The following CACNA1B variants were observed in gnomAD, a reference collection of about 807,000 sequenced individuals.
CACNA1B encodes the protein voltage-dependent N-type calcium channel subunit alpha-1B.
A neutral mutation model predicts 247.2 loss-of-function variants in CACNA1B; 70 were observed. That is an observed-to-expected ratio of 0.28 (90% CI 0.23 to 0.35). The LOEUF (loss-of-function observed/expected upper bound fraction) is 0.35, where lower values mean the gene tolerates loss of function less well. CACNA1B is among the 10% of genes least tolerant of loss of function. The pLI, the probability that CACNA1B is intolerant of heterozygous loss-of-function variation, is 1.00. For missense variants in CACNA1B, 2,367 were observed against 3,197.4 expected (o/e 0.74, Z 6.26); for synonymous variants, 1,231 against 1,294.4 (o/e 0.95, Z 1.05).
chr9:138,015,153 C>G (rs1398923080), intron 18 of CACNA1B, among the ~76,000 whole-genome samples: 1 of 152,196 alleles, frequency 6.6e-6, no homozygotes, highest in African/African-American at 2.4e-5. Flanking sequence ...CTGCAGCCCT[C>G]ACACGTGGCA....
intron 36 of CACNA1B, among the ~76,000 whole-genome samples, chr9:138,095,256 A>G (rs1266417991): frequency 1.3e-5 from 2 of 152,244 alleles, no homozygotes; most frequent in Non-Finnish European, 2.9e-5. Context: ...CTACACCTCA[A>G]CAACAAAAAA....
intron 36 of CACNA1B, among the ~76,000 whole-genome samples, chr9:138,090,052 T>C (rs1287427151): frequency 3.3e-5 from 5 of 152,136 alleles, no homozygotes; most frequent in African/African-American, 1.2e-4. Context: ...AAAATACCAA[T>C]GACATTCTTC....
At chr9:137,980,954 G>A (rs1431823884) in intron 12 of CACNA1B, among the ~76,000 whole-genome samples, 1 of 152,186 alleles carries the variant, frequency 6.6e-6, no homozygotes, top group Non-Finnish European at 1.5e-5. Flanking sequence ...GAATAGTGCT[G>A]TGGTGAACAA....
intron 10 of CACNA1B, among the ~76,000 whole-genome samples, chr9:137,970,196 C>A (rs1757702978): frequency 6.6e-6 from 1 of 152,334 alleles, no homozygotes; most frequent in East Asian, 1.9e-4. Context: ...TCCCCACATC[C>A]TCACACAGGG....
At position 138,058,562 on chromosome 9, in the gene CACNA1B, C is replaced by G; in HGVS notation, c.4309-7C>G. On this transcript the variant is annotated splice_region_variant and splice_polypyrimidine_tract_variant and intron_variant, in intron 28 of 46. Transcript: ENST00000371372. The surrounding 1 kb of genome is among the most constrained non-coding windows in gnomAD (Gnocchi z 4.7). The stretch of plus-strand genomic sequence containing the variant: ...CTGAGTCTCTGTGCTCCTTTCTCCC[C>G]TTACAGAGGGCTTGCATTGACTTCG... The G allele has an allele frequency of 6.2e-7, 1 of 1,607,224 alleles. No individual in the cohort carries two copies. The highest frequency in any genetic ancestry group is 1.7e-5 in the Admixed American group (1 of 57,756).
chr9:137,986,687 C>A lies in CACNA1B; in HGVS notation c.1902-95C>A. ...GGGGCCAGTGTGCAGCCATCTGCAG[C>A]CTGAAGCGAGCAGGTTGAGGCCACG... On this transcript the variant is annotated intron_variant, in intron 14 of 46. Transcript: ENST00000371372. This position sits in a 1 kb window ranked among gnomAD's most constrained non-coding sequence, Gnocchi z 6.0. 2.1e-6 allele frequency: 3 copies of A among 1,408,398 alleles called. No homozygotes were observed. The highest frequency in any genetic ancestry group is 2.0e-6 in the Non-Finnish European group (2 of 994,358). The allele number at this position is 1,408,398 out of a possible 1,614,324, so 87.2% of individuals were successfully genotyped here.
chr9:138,070,963 G>A (rs1960111390), intron 32 of CACNA1B, among the ~76,000 whole-genome samples: 1 of 152,260 alleles, frequency 6.6e-6, no homozygotes, highest in African/African-American at 2.4e-5. Context: ...TCGGGGTGGG[G>A]TGCCCAGCTG....
chr9:138,121,474 T>C lies in CACNA1B; in HGVS notation c.6495T>C (p.Ser2165=), dbSNP rs773966072. The change falls in exon 47 of 47, where the codon AGT becomes AGC. Residue 2165 remains serine (S), a synonymous_variant. Transcript: ENST00000371372. This position sits in a 1 kb window ranked among gnomAD's most constrained non-coding sequence, Gnocchi z 6.8. ...GQEPGPHPQG[S]GSVNGSPLLS... The stretch of plus-strand genomic sequence containing the variant: ...TCTGGTCCATTTTCATGTAGGGCAG[T>C]GGTTCCGTGAATGGGAGCCCCTTGC... 3.3e-6 allele frequency: 5 copies of C among 1,508,910 alleles called. No individual in the cohort carries two copies. The highest frequency in any genetic ancestry group is 4.4e-6 in the Non-Finnish European group (5 of 1,128,044). 93.5% of individuals were successfully genotyped at this position (1,508,910 alleles called of 1,614,324 possible).
At chr9:138,109,843 G>A (rs535873958) in intron 39 of CACNA1B, among the ~76,000 whole-genome samples, 123 of 152,318 alleles carry the variant, frequency 8.1e-4, no homozygotes, top group African/African-American at 2.8e-3. Flanking sequence ...GGCCAAAGCA[G>A]GCGGATTACC....
intron 41 of CACNA1B, 81 bp from the exon 42 acceptor site, chr9:138,115,471 T>G (rs867858570): frequency 4.8e-6 from 7 of 1,457,150 alleles, no homozygotes; most frequent in Non-Finnish European, 6.5e-6. Flanking sequence ...TTTTGCCCCA[T>G]GCCACATGGT....
chr9:137,930,493 G>A (rs771377134), intron 6 of CACNA1B, among the ~76,000 whole-genome samples: 6 of 152,178 alleles, frequency 3.9e-5, no homozygotes, highest in East Asian at 1.9e-4. Flanking sequence ...ATTTGTTGAC[G>A]TTTGTTACAT....
chr9:137,966,937 G>T (rs1958085435), intron 10 of CACNA1B, among the ~76,000 whole-genome samples: 1 of 150,402 alleles, frequency 6.6e-6, no homozygotes, highest in Admixed American at 6.6e-5. Flanking sequence ...CTATAGGTGT[G>T]CACCACCATG....
intron 6 of CACNA1B, among the ~76,000 whole-genome samples, chr9:137,920,495 C>G (rs1022787661): frequency 1.3e-5 from 2 of 152,208 alleles, no homozygotes; most frequent in African/African-American, 4.8e-5. Context: ...CCACACCTGG[C>G]CTGAACACTT....
Position 138,099,728 on chromosome 9 carries a change from CGTGCCTGTGGTGCGCAT to C in CACNA1B, c.5223-2973_5223-2957del, listed in dbSNP as rs544187969. 4.0e-5 allele frequency among the ~76,000 whole-genome samples: 6 copies of C among 151,260 alleles called. No homozygotes were observed. In the South Asian group the frequency reaches 1.1e-3, roughly 27 times the overall value. ...GGTGTGCACATGTCTGTGGTGTACA[CGTGCCTGTGGTGCGCAT>C]GTGCCTGTGTCGGTGGATTCTGAAG... is the stretch of plus-strand genomic sequence containing the variant. On this transcript the variant is annotated intron_variant, in intron 37 of 46. Coordinates refer to ENST00000371372, the MANE Select transcript of CACNA1B (RefSeq NM_000718.4).
chr9:138,064,929 G>T (rs1382195514), intron 31 of CACNA1B, among the ~76,000 whole-genome samples: 3 of 152,246 alleles, frequency 2.0e-5, no homozygotes, highest in African/African-American at 7.2e-5. Context: ...GAAGCTGGTT[G>T]GCTCGTGGGC....
chr9:138,055,990 C>T (rs890617102), intron 26 of CACNA1B, among the ~76,000 whole-genome samples: 8 of 151,794 alleles, frequency 5.3e-5, no homozygotes, highest in African/African-American at 1.9e-4. Flanking sequence ...TGTGCCACTG[C>T]ACTCCAGCCC....
chr9:138,043,812 A>G lies in CACNA1B; in HGVS notation c.3325A>G (p.Lys1109Glu). The G allele has an allele frequency of 1.2e-6, 2 of 1,613,836 alleles. No individual in the cohort carries two copies. The highest frequency in any genetic ancestry group is 1.6e-4 in the Middle Eastern group (1 of 6,062). The change falls in exon 21 of 47, where the codon AAG (lysine) becomes GAG (glutamate). Residue 1109 changes from lysine to glutamate, a missense_variant. Lys to Glu is a moderately conservative substitution (Grantham distance 56). Around this residue, in one of 12 missense-constraint regions of CACNA1B, gnomAD observed 631 missense variants for 631.1 expected, o/e 1.00. Coordinates refer to ENST00000371372, the MANE Select transcript of CACNA1B (RefSeq NM_000718.4). ...CCTGGAAAGCCAAGCAGAGGGGAAG[A>G]AGGAGGTGGAAGCGGATGACGTGAT... ...VDLESQAEGK[K>E]EVEADDVMRS...
chr9:138,027,323 T>A (rs1443775511), intron 20 of CACNA1B, among the ~76,000 whole-genome samples: 1 of 152,202 alleles, frequency 6.6e-6, no homozygotes, highest in Non-Finnish European at 1.5e-5. Flanking sequence ...GGCTATTAGT[T>A]TTTATATGTT....
In CACNA1B at chr9:138,072,759, C is replaced by T. The variant is rs1269881548; in HGVS notation, c.4675-729C>T. Among the ~76,000 whole-genome samples, 1 of 152,212 alleles carries T rather than the reference C, an allele frequency of 6.6e-6. No individual in the cohort carries two copies. Among genetic ancestry groups the T allele is most frequent in the Non-Finnish European group, 1.5e-5 (1 of 68,046 alleles). ...TTTACTGCCAGGTAATCTGTGGAGT[C>T]CCAGGTTTATCCATTTATCATTGTG... On this transcript the variant is annotated intron_variant, in intron 32 of 46. Coordinates refer to ENST00000371372, the MANE Select transcript of CACNA1B (RefSeq NM_000718.4). This position sits in a 1 kb window ranked among gnomAD's most constrained non-coding sequence, Gnocchi z 4.5.
Sources: gnomAD v4.1 joint callset for allele counts (sites outside exome capture counted in the v4.1 genomes callset) on GRCh38, gnomAD v4.1.1 for gene constraint, gnomAD v4.1.1 regional missense constraint, Gnocchi (gnomAD v3.1) non-coding constraint, MANE v1.5 for transcripts, NCBI Gene and HGNC (gene_info 2026-07-23, HGNC 2026-07-21) for gene names.